The following GRAMD1C variants were observed in gnomAD, a reference collection of about 807,000 sequenced individuals.
The protein encoded by GRAMD1C is GRAM domain containing 1C, also known as protein Aster-C.
In GRAMD1C, 89 loss-of-function variants were observed where a neutral mutation model predicts 97.8. The ratio of observed to expected loss-of-function variants is 0.91; its 90% CI spans 0.77 to 1.09. The LOEUF is 1.09. Among genes scored for constraint, GRAMD1C ranks in the 50% least tolerant of loss-of-function variants. The probability of loss-of-function intolerance (pLI) is 0.00; values close to 1 mark genes in which losing one functional copy is unlikely to be tolerated. For synonymous variants in GRAMD1C, 256 were observed against 267.0 expected (o/e 0.96, Z 0.40); for missense variants, 740 against 766.4 (o/e 0.97, Z 0.41).
At chr3:113,831,880 T>C (rs113676460) in intron 1 of GRAMD1C, among the ~76,000 whole-genome samples, 6 of 152,288 alleles carry the variant, frequency 3.9e-5, no homozygotes, top group African/African-American at 1.2e-4. Flanking sequence ...ATATATGAAA[T>C]AGTTGATTTA....
At chr3:113,829,945 G>A (rs1709536272) in intron 1 of GRAMD1C, among the ~76,000 whole-genome samples, 1 of 152,100 alleles carries the variant, frequency 6.6e-6, no homozygotes, top group African/African-American at 2.4e-5. Flanking sequence ...GTTCAGAGCA[G>A]AAGTTTAATA....
chr3:113,930,979 TA>T (rs1304288711), intron 11 of GRAMD1C, 147 bp downstream of exon 11: 3 of 548,520 alleles, frequency 5.5e-6, no homozygotes, highest in Admixed American at 3.3e-5. Flanking sequence ...AAAAGAGACT[TA>T]AAAGGCATAT....
chr3:113,909,044 A>G lies in GRAMD1C; in HGVS notation c.876A>G (p.Pro292=). ...PTLEKKLTRV[P]SKSLDLNKNE... ...TGGAAAAGAAGTTAACTAGAGTGCC[A>G]TCAAAGTCACTGGACTTGAATAAAA... The change falls in exon 9 of 18, where the codon CCA becomes CCG. Residue 292 remains proline, a synonymous_variant. Transcript: ENST00000358160. 9 of 1,571,910 alleles carry G rather than the reference A, an allele frequency of 5.7e-6. No individual in the cohort carries two copies. Among genetic ancestry groups the G allele is most frequent in the Non-Finnish European group, 7.8e-6 (9 of 1,156,812 alleles).
At chr3:113,836,522 C>A (rs188740086), upstream of GRAMD1C, among the ~76,000 whole-genome samples, 1 of 109,894 alleles carries the variant, frequency 9.1e-6, no homozygotes, top group Non-Finnish European at 2.0e-5. Context: ...CTACTTCACT[C>A]CTAAATACTT....
chr3:113,892,012 G>A (rs1935745759), intron 6 of GRAMD1C, among the ~76,000 whole-genome samples: 1 of 151,922 alleles, frequency 6.6e-6, no homozygotes, highest in African/African-American at 2.4e-5. Context: ...AATCTAGAAA[G>A]TAGATTTTTC....
intron 6 of GRAMD1C, among the ~76,000 whole-genome samples, chr3:113,891,524 T>C (rs1435956628): frequency 1.3e-5 from 2 of 152,034 alleles, no homozygotes. Context: ...ATATACAGCA[T>C]AGCTACAAAA....
At chr3:113,941,763 C>T (rs1268727208) in intron 17 of GRAMD1C, among the ~76,000 whole-genome samples, 2 of 151,878 alleles carry the variant, frequency 1.3e-5, no homozygotes, top group Admixed American at 6.6e-5. Context: ...GGATTACAGG[C>T]GCGTGCCACC....
Position 113,869,530 on chromosome 3 carries a change from C to T in GRAMD1C, c.198C>T (p.Asp66=). ...AGATTTCAAGTTCCACCTATAAAGACAGGAATGAGGAATACAGAAGACAGT... is the reference window on the plus strand; with the variant it reads ...AGATTTCAAGTTCCACCTATAAAGATAGGAATGAGGAATACAGAAGACAGT... ...SFWISSSTYK[D]RNEEYRRQFT... Residue 66 remains aspartate (D), a synonymous_variant, in exon 3 of 18, where the codon GAC becomes GAT. Coordinates refer to ENST00000358160, the MANE Select transcript of GRAMD1C (RefSeq NM_017577.5). 1 of 1,519,034 alleles carries T rather than the reference C, an allele frequency of 6.6e-7. No homozygotes were observed. Among genetic ancestry groups the T allele is most frequent in the Non-Finnish European group, 9.1e-7 (1 of 1,103,866 alleles). The allele number at this position is 1,519,034 out of a possible 1,614,324, so 94.1% of individuals were successfully genotyped here. A position where few individuals can be genotyped will look rare whatever the true frequency, so the allele number is the denominator to read the frequency against.
intron 10 of GRAMD1C, among the ~76,000 whole-genome samples, chr3:113,920,620 C>T (rs930706147): frequency 1.3e-5 from 2 of 152,112 alleles, no homozygotes; most frequent in Non-Finnish European, 2.9e-5. Flanking sequence ...CGGCTCACTG[C>T]AACCTCCGCC....
At chr3:113,894,347 C>T (rs1291434727) in intron 6 of GRAMD1C, among the ~76,000 whole-genome samples, 1 of 151,814 alleles carries the variant, frequency 6.6e-6, no homozygotes, top group Non-Finnish European at 1.5e-5. Flanking sequence ...GGCATGATCT[C>T]GGCTCACTGC....
chr3:113,906,490 T>G (rs565784593), intron 8 of GRAMD1C, among the ~76,000 whole-genome samples: 1 of 152,060 alleles, frequency 6.6e-6, no homozygotes, highest in African/African-American at 2.4e-5. Flanking sequence ...AGAAAAAAGC[T>G]TTTAGAATAA....
At position 113,932,895 on chromosome 3, in the gene GRAMD1C, T is replaced by TC. The variant is rs71966165; in HGVS notation, c.1210-616_1210-615insC. ...TAATATTTTCTTCTTTCTTTTTTTT[T>TC]TTTTTGAGACAGAGTCTTGCTGTGT... On this transcript the variant is annotated intron_variant, in intron 11 of 17. Coordinates refer to ENST00000358160, the MANE Select transcript of GRAMD1C (RefSeq NM_017577.5). Among the ~76,000 whole-genome samples the TC allele has an allele frequency of 7.1e-3, 1,067 of 151,234 alleles. 10 individuals carry two copies. The highest frequency in any genetic ancestry group is 0.024 in the African/African-American group (1,001 of 41,228).
intron 6 of GRAMD1C, among the ~76,000 whole-genome samples, chr3:113,895,728 C>T (rs1935912995): frequency 6.6e-6 from 1 of 152,064 alleles, no homozygotes; most frequent in Non-Finnish European, 1.5e-5. Context: ...CAGAACTCCT[C>T]TATCTATTTT....
chr3:113,892,867 C>T (rs1326779387), intron 6 of GRAMD1C, among the ~76,000 whole-genome samples: 1 of 152,114 alleles, frequency 6.6e-6, no homozygotes, highest in Non-Finnish European at 1.5e-5. Context: ...CAGCCCCCAT[C>T]CGTGTTCTAT....
intron 2 of GRAMD1C, among the ~76,000 whole-genome samples, chr3:113,854,842 T>C (rs1396447402): frequency 6.6e-6 from 1 of 152,202 alleles, no homozygotes; most frequent in Non-Finnish European, 1.5e-5. Context: ...TTAACTAGAA[T>C]GGTGATATGT....
intron 2 of GRAMD1C, among the ~76,000 whole-genome samples, chr3:113,861,851 T>G (rs1203896797): frequency 6.6e-6 from 1 of 152,158 alleles, no homozygotes; most frequent in Non-Finnish European, 1.5e-5. Flanking sequence ...TTTCCTTAAG[T>G]GTCAGCTGGT....
intron 2 of GRAMD1C, among the ~76,000 whole-genome samples, chr3:113,850,062 C>G (rs554772174): frequency 6.6e-6 from 1 of 151,796 alleles, no homozygotes; most frequent in African/African-American, 2.4e-5. Context: ...GCTGGCCGGA[C>G]GGGGGGCTGA....
chr3:113,915,994 G>A (rs1577201521), intron 10 of GRAMD1C, among the ~76,000 whole-genome samples, 156 bp downstream of exon 10: 2 of 152,192 alleles, frequency 1.3e-5, no homozygotes, highest in South Asian at 4.1e-4. Flanking sequence ...TCAAATGTTT[G>A]GTTAAATTCA....
chr3:113,844,631 T>C lies in GRAMD1C; in HGVS notation c.156T>C (p.Ser52=). ...AGGGGCCAAATTTACATAATTGGAGTGGTGACTGGAGCTTTTGGGTAATTT... is the reference window on the plus strand; with the variant it reads ...AGGGGCCAAATTTACATAATTGGAGCGGTGACTGGAGCTTTTGGGTAATTT... The part of the protein sequence containing the change: ...KKQGPNLHNW[S]GDWSFWISSS... The change falls in exon 2 of 18, where the codon AGT becomes AGC. Residue 52 remains serine, a synonymous_variant. Coordinates refer to ENST00000358160, the MANE Select transcript of GRAMD1C (RefSeq NM_017577.5). 6.3e-7 allele frequency: 1 copy of C among 1,593,374 alleles called. No individual in the cohort carries two copies. Among genetic ancestry groups the C allele is most frequent in the Non-Finnish European group, 8.5e-7 (1 of 1,171,922 alleles).
Sources: allele counts gnomAD v4.1 joint callset (sites outside exome capture counted in the v4.1 genomes callset), GRCh38; gene constraint gnomAD v4.1.1; transcripts MANE v1.5; gene names NCBI Gene and HGNC (gene_info 2026-07-23, HGNC 2026-07-21).